MED13L: variants seen among roughly 807,000 people sequenced by gnomAD.
MED13L encodes mediator complex subunit 13L.
In MED13L, 7 loss-of-function variants were observed where a neutral mutation model predicts 220.9. That is an observed-to-expected ratio of 0.03 (90% CI 0.02 to 0.06). The LOEUF (loss-of-function observed/expected upper bound fraction) is 0.06. Ranked by LOEUF, MED13L falls within the 10% of genes least tolerant of loss-of-function variation. MED13L has a pLI of 1.00. For synonymous variants in MED13L, 1,011 were observed against 1,015.2 expected (o/e 1.00, Z 0.08); for missense variants, 1,965 against 2,760.5 (o/e 0.71, Z 6.46).
chr12:116,089,322 A>C (rs1056392595), intron 4 of MED13L, among the ~76,000 whole-genome samples: 2 of 152,182 alleles, frequency 1.3e-5, no homozygotes, highest in African/African-American at 4.8e-5. Flanking sequence ...TCTCTCAACT[A>C]GCTAGGACTA....
At chr12:115,987,972 A>G (rs1877811997) in intron 17 of MED13L, among the ~76,000 whole-genome samples, 1 of 152,178 alleles carries the variant, frequency 6.6e-6, no homozygotes, top group Non-Finnish European at 1.5e-5. Context: ...CTGTGCAAGC[A>G]CGCTTGGACA....
intron 4 of MED13L, among the ~76,000 whole-genome samples, chr12:116,044,136 C>T (rs1039163173): frequency 6.6e-6 from 1 of 152,166 alleles, no homozygotes; most frequent in African/African-American, 2.4e-5. Context: ...GTTCCTGGAT[C>T]TTAATCACAA....
intron 4 of MED13L, among the ~76,000 whole-genome samples, chr12:116,081,202 C>T (rs1871221606): frequency 6.6e-6 from 1 of 152,168 alleles, no homozygotes; most frequent in Non-Finnish European, 1.5e-5. Flanking sequence ...TTATACATTT[C>T]CTATAAAGTC....
chr12:116,210,187 A>C (rs755941437), intron 2 of MED13L, among the ~76,000 whole-genome samples: 4 of 152,180 alleles, frequency 2.6e-5, no homozygotes, highest in Non-Finnish European at 5.9e-5. Flanking sequence ...ATTTCTAATC[A>C]CTACAACAGT....
In MED13L at chr12:116,007,510, A is replaced by T; in HGVS notation, c.2139T>A (p.Asn713Lys). The change falls in exon 11 of 31, where the codon AAT (asparagine) becomes AAA (lysine). Residue 713 changes from asparagine (N) to lysine (K), a missense_variant. Physicochemically the swap from Asn to Lys is moderately conservative, Grantham distance 94. Around this residue, in one of 10 missense-constraint regions of MED13L, gnomAD observed 818 missense variants for 1,041.2 expected, o/e 0.79. Coordinates refer to ENST00000281928, the MANE Select transcript of MED13L (RefSeq NM_015335.5). Reference protein sequence around the residue: ...QQPGDSLGEVNDPYTFEDGDI... With the variant: ...QQPGDSLGEVKDPYTFEDGDI... ...CACCATCTTCAAAGGTATATGGGTC[A>T]TTCACTTCTCCCAAACTGTCTCCAG... 1 of 1,614,004 alleles carries T rather than the reference A, an allele frequency of 6.2e-7. No homozygotes were observed. Among genetic ancestry groups the T allele is most frequent in the South Asian group, 1.1e-5 (1 of 91,082 alleles).
intron 2 of MED13L, among the ~76,000 whole-genome samples, chr12:116,142,374 G>A (rs1040715630): frequency 6.6e-6 from 1 of 152,092 alleles, no homozygotes; most frequent in African/African-American, 2.4e-5. Flanking sequence ...TAGTCCTATA[G>A]CTGTTCCCTA....
At chr12:116,008,201 T>A in intron 10 of MED13L, 200 bp downstream of exon 10, 1 of 657,440 alleles carries the variant, frequency 1.5e-6, no homozygotes, top group Non-Finnish European at 2.4e-6. Flanking sequence ...GTTCTTTATA[T>A]GCCCATGTGT....
intron 2 of MED13L, among the ~76,000 whole-genome samples, chr12:116,147,863 T>C (rs1184160350): frequency 2.0e-5 from 3 of 151,538 alleles, no homozygotes; most frequent in Non-Finnish European, 4.4e-5. Flanking sequence ...TTATCATATA[T>C]ACTGTTAAAA....
chr12:116,276,775 T>C (rs1308491175), intron 1 of MED13L: 1 of 1,289,146 alleles, frequency 7.8e-7, no homozygotes, highest in Non-Finnish European at 1.0e-6. Context: ...GGGTGGGCGT[T>C]CGAAGTGCGA....
chr12:116,104,049 C>T (rs956903300), intron 3 of MED13L, among the ~76,000 whole-genome samples: 16 of 120,982 alleles, frequency 1.3e-4, no homozygotes, highest in African/African-American at 3.6e-4. Context: ...TCACTCTTGT[C>T]GCCCAGACTG....
chr12:116,141,144 A>G (rs996594028), intron 2 of MED13L, among the ~76,000 whole-genome samples: 2 of 152,214 alleles, frequency 1.3e-5, no homozygotes, highest in Non-Finnish European at 2.9e-5. Flanking sequence ...ACCTTATGAC[A>G]AGGCAATTCA....
At chr12:116,275,218 G>A (rs893791045) in intron 1 of MED13L, among the ~76,000 whole-genome samples, 1 of 152,016 alleles carries the variant, frequency 6.6e-6, no homozygotes, top group African/African-American at 2.4e-5. Flanking sequence ...CAATATGTTT[G>A]CTAATCTATG....
At chr12:116,076,409 C>T (rs1362620556) in intron 4 of MED13L, among the ~76,000 whole-genome samples, 4 of 152,070 alleles carry the variant, frequency 2.6e-5, no homozygotes, top group Non-Finnish European at 5.9e-5. Context: ...CAGTGGCACA[C>T]ACCTGCAGTC....
At chr12:116,012,131 T>C (rs1403767332) in intron 9 of MED13L, among the ~76,000 whole-genome samples, 1 of 152,214 alleles carries the variant, frequency 6.6e-6, no homozygotes, top group Non-Finnish European at 1.5e-5. Context: ...TTCTTCTAAC[T>C]GTCAAATGAG....
Position 116,147,781 on chromosome 12 carries a change from A to G in MED13L, c.311-36269T>C, listed in dbSNP as rs1401133312. Among the ~76,000 whole-genome samples, 4 of 152,250 alleles carry G rather than the reference A, an allele frequency of 2.6e-5. No homozygotes were observed. In the South Asian group the frequency reaches 8.3e-4, roughly 32 times the overall value. ...TATATTGTTCAAATATACAGTGAACATGTGCTAATTTCATAATTCTAAAAA... is the reference window on the plus strand; with the variant it reads ...TATATTGTTCAAATATACAGTGAACGTGTGCTAATTTCATAATTCTAAAAA... On this transcript the variant is annotated intron_variant, in intron 2 of 30. Coordinates refer to ENST00000281928, the MANE Select transcript of MED13L (RefSeq NM_015335.5).
intron 2 of MED13L, among the ~76,000 whole-genome samples, chr12:116,170,457 A>G (rs1271655408): frequency 3.9e-5 from 6 of 152,134 alleles, no homozygotes; most frequent in Non-Finnish European, 7.3e-5. Context: ...GTAGCTGGTC[A>G]ATGCAAAACT....
chr12:116,151,045 T>A (rs1877996944), intron 2 of MED13L, among the ~76,000 whole-genome samples: 1 of 151,990 alleles, frequency 6.6e-6, no homozygotes, highest in African/African-American at 2.4e-5. Flanking sequence ...CAGAGGTCTA[T>A]CACAACATCT....
rs1876142188 is a variant in MED13L at position 115,966,126 on chromosome 12, A to C, written c.6343T>G (p.Ser2115Ala). The C allele has an allele frequency of 6.2e-7, 1 of 1,614,048 alleles. No homozygotes were observed. Among genetic ancestry groups the C allele is most frequent in the Admixed American group, 1.7e-5 (1 of 60,002 alleles). ...KAENLPQWFW[S>A]SCPQAQNQCP... ...TGGTTTTGAGCCTGGGGACACGATG[A>C]CCAAAACCACTGGGGAAGATTCTCA... The change falls in exon 29 of 31, where the codon TCA (serine) becomes GCA (alanine). Residue 2115 changes from serine (S) to alanine (A), a missense_variant. Coordinates refer to ENST00000281928, the MANE Select transcript of MED13L (RefSeq NM_015335.5).
chr12:116,209,800 T>A (rs1216716053), intron 2 of MED13L, among the ~76,000 whole-genome samples: 1 of 152,180 alleles, frequency 6.6e-6, no homozygotes, highest in Non-Finnish European at 1.5e-5. Flanking sequence ...GCCCTCAAAC[T>A]TTGGTAAAGC....
Sources: gnomAD v4.1 joint callset for allele counts (sites outside exome capture counted in the v4.1 genomes callset) on GRCh38, gnomAD v4.1.1 for gene constraint, gnomAD v4.1.1 regional missense constraint, MANE v1.5 for transcripts, NCBI Gene and HGNC (gene_info 2026-07-23, HGNC 2026-07-21) for gene names.